The following KIF21A variants were observed in gnomAD, a reference collection of about 807,000 sequenced individuals.
KIF21A encodes the protein kinesin family member 21A, also known as kinesin-like protein KIF21A.
A neutral mutation model predicts 202.9 loss-of-function variants in KIF21A; 114 were observed. The ratio of observed to expected loss-of-function variants is 0.56; its 90% CI spans 0.48 to 0.66. The LOEUF is 0.66. Ranked by LOEUF, KIF21A falls within the 30% of genes least tolerant of loss-of-function variation. The probability of loss-of-function intolerance (pLI) is 0.00; values close to 1 mark genes in which losing one functional copy is unlikely to be tolerated. For synonymous variants in KIF21A, 667 were observed against 670.8 expected, an observed-to-expected ratio of 0.99 and a Z score of 0.09; for missense variants, 1,677 against 1,994.9, an observed-to-expected ratio of 0.84 and a Z score of 3.04.
At position 39,332,311 on chromosome 12, in the gene KIF21A, A is replaced by G; in HGVS notation, c.2954T>C (p.Ile985Thr). ...AGTCAGTGACTCCATCTCTTCATTG[A>G]TATTAGCCACATTTTTATCTCCCTC... ...NGEGDKNVAN[I>T]NEEMESLTAN... Residue 985 changes from isoleucine to threonine, a missense_variant, in exon 21 of 38, where the codon ATC becomes ACC. Physicochemically the swap from Ile to Thr is moderately conservative, Grantham distance 89 (BLOSUM62 -1). Transcript: ENST00000361418. 6.2e-7 allele frequency: 1 copy of G among 1,613,258 alleles called. No individual in the cohort carries two copies. Among genetic ancestry groups the G allele is most frequent in the Non-Finnish European group, 8.5e-7 (1 of 1,179,348 alleles).
chr12:39,440,736 CCCGATTTAT>C (rs1566422851), intron 1 of KIF21A, among the ~76,000 whole-genome samples: 1 of 152,008 alleles, frequency 6.6e-6, no homozygotes, highest in African/African-American at 2.4e-5. Context: ...GAAAGAAATC[CCCGATTTAT>C]CCAGGCGCAG....
At chr12:39,368,058 A>T (rs1323147623) in intron 3 of KIF21A, 26 bp from the exon 4 acceptor site, 1 of 1,450,468 alleles carries the variant, frequency 6.9e-7, no homozygotes, top group South Asian at 1.1e-5. Context: ...TAGAAATCTA[A>T]TTTTAGCAGA....
chr12:39,348,062 G>A (rs12580749), intron 11 of KIF21A, among the ~76,000 whole-genome samples: 1,639 of 152,034 alleles, frequency 0.011, 118 homozygotes, highest in Admixed American at 0.092. Flanking sequence ...ATACAAGAAA[G>A]CTATATTAAA....
chr12:39,436,402 A>G (rs914752612), intron 1 of KIF21A, among the ~76,000 whole-genome samples: 1 of 135,412 alleles, frequency 7.4e-6, no homozygotes, highest in African/African-American at 2.8e-5. Context: ...TCTCGTCAAT[A>G]ATTATAAGGG....
chr12:39,370,257 T>C lies in KIF21A; in HGVS notation c.49A>G (p.Arg17Gly). ...ATCTTCTCTTTGGCAAGCTGTGGTC[T>C]TATTCTGTGAGAAATAATCAGAAAA... Reference protein sequence around the residue: ...ESSVRVAVRIRPQLAKEKIEG... With the variant: ...ESSVRVAVRIGPQLAKEKIEG... Residue 17 changes from arginine to glycine, a missense_variant, in exon 2 of 38, where the codon AGA becomes GGA. Physicochemically the swap from Arg to Gly is moderately radical, Grantham distance 125. This residue lies in a region of KIF21A where 966 missense variants were observed against 1,180.9 expected (regional missense o/e 0.82). Coordinates refer to ENST00000361418, the MANE Select transcript of KIF21A (RefSeq NM_001173464.2). 2 of 1,607,352 alleles carry C rather than the reference T, an allele frequency of 1.2e-6. No individual in the cohort carries two copies. The highest frequency in any genetic ancestry group is 1.7e-6 in the Non-Finnish European group (2 of 1,174,536).
intron 6 of KIF21A, among the ~76,000 whole-genome samples, chr12:39,365,171 C>G (rs908790917): frequency 6.6e-5 from 10 of 152,196 alleles, no homozygotes; most frequent in Non-Finnish European, 1.0e-4. Context: ...TTAGCCCCCT[C>G]ATTCACCAAA....
At chr12:39,330,632 G>A (rs1008842757) in intron 23 of KIF21A, 114 bp downstream of exon 23, 3 of 873,064 alleles carry the variant, frequency 3.4e-6, no homozygotes, top group African/African-American at 3.4e-5. Context: ...TTAAAAGCAT[G>A]AGTAAATATA....
At chr12:39,321,170 T>C (rs1045876655) in intron 27 of KIF21A, among the ~76,000 whole-genome samples, 1 of 152,142 alleles carries the variant, frequency 6.6e-6, no homozygotes, top group African/African-American at 2.4e-5. Flanking sequence ...TAAGAGTTAC[T>C]GCACCAAGTG....
At chr12:39,392,800 T>C (rs892561963) in intron 1 of KIF21A, among the ~76,000 whole-genome samples, 2 of 148,006 alleles carry the variant, frequency 1.4e-5, no homozygotes, top group Non-Finnish European at 3.0e-5. Context: ...AAAATTCAGA[T>C]TGTGGGAAAA....
intron 12 of KIF21A, among the ~76,000 whole-genome samples, chr12:39,343,159 T>C (rs7953548): frequency 0.31 from 47,258 of 151,912 alleles, 9,598 homozygotes; most frequent in African/African-American, 0.58. Context: ...GTCAGGCATT[T>C]GAGTCCAGCC....
chr12:39,367,215 T>C (rs1324997239), intron 4 of KIF21A, 51 bp from the exon 5 acceptor site: 1 of 1,597,254 alleles, frequency 6.3e-7, no homozygotes. Flanking sequence ...AACAAGATAC[T>C]ATACAATCCA....
At chr12:39,325,022 A>T (rs1411187917) in intron 26 of KIF21A, among the ~76,000 whole-genome samples, 6 of 152,238 alleles carry the variant, frequency 3.9e-5, no homozygotes, top group African/African-American at 1.4e-4. Flanking sequence ...AACTGCATGT[A>T]TAATTTATAT....
At chr12:39,315,203 A>C in intron 31 of KIF21A, 26 bp downstream of exon 31, 1 of 1,607,556 alleles carries the variant, frequency 6.2e-7, no homozygotes, top group East Asian at 2.2e-5. Context: ...AAATGAAATT[A>C]ATTTCCTCTC....
intron 6 of KIF21A, among the ~76,000 whole-genome samples, chr12:39,364,003 G>A (rs1380489984): frequency 6.6e-6 from 1 of 152,194 alleles, no homozygotes; most frequent in Non-Finnish European, 1.5e-5. Flanking sequence ...GGGCAACAGA[G>A]TGAGACCCCG....
intron 1 of KIF21A, among the ~76,000 whole-genome samples, chr12:39,392,680 G>C (rs1220784356): frequency 6.6e-6 from 1 of 151,502 alleles, no homozygotes. Flanking sequence ...GAGGTAGTTG[G>C]TGCTCTTGTT....
At chr12:39,315,171 C>T in intron 31 of KIF21A, 58 bp downstream of exon 31, 15 of 1,507,382 alleles carry the variant, frequency 1.0e-5, no homozygotes, top group Non-Finnish European at 1.4e-5. Flanking sequence ...CCATGCAAAC[C>T]TGTAAGGTCT....
intron 1 of KIF21A, among the ~76,000 whole-genome samples, chr12:39,390,492 TA>T (rs1242155867): frequency 6.6e-6 from 1 of 151,652 alleles, no homozygotes; most frequent in Admixed American, 6.6e-5. Context: ...TAAAGTTTAT[TA>T]AAAAAAAGAA....
At chr12:39,370,403 A>G in intron 1 of KIF21A, 142 bp from the exon 2 acceptor site, 1 of 649,814 alleles carries the variant, frequency 1.5e-6, no homozygotes. Flanking sequence ...AAAAGTTTAA[A>G]TAAATTGAAT....
intron 1 of KIF21A, among the ~76,000 whole-genome samples, chr12:39,433,243 T>C (rs2140382216): frequency 6.6e-6 from 1 of 152,322 alleles, no homozygotes; most frequent in South Asian, 2.1e-4. Flanking sequence ...GCTTACAAGA[T>C]ATACTTTCTG....
Sources: gnomAD v4.1 joint callset for allele counts (sites outside exome capture counted in the v4.1 genomes callset) on GRCh38, gnomAD v4.1.1 for gene constraint, gnomAD v4.1.1 regional missense constraint, MANE v1.5 for transcripts, NCBI Gene and HGNC (gene_info 2026-07-23, HGNC 2026-07-21) for gene names.